SIPA1L3: variants seen among roughly 807,000 people sequenced by gnomAD.
SIPA1L3 encodes signal induced proliferation associated 1 like 3, also known as signal-induced proliferation-associated 1-like protein 3.
Under a neutral mutation model 150.1 loss-of-function variants are expected in SIPA1L3, and 59 were observed. The ratio of observed to expected loss-of-function variants is 0.39; its 90% confidence interval spans 0.32 to 0.49. The LOEUF (loss-of-function observed/expected upper bound fraction) is 0.49, where lower values mean the gene tolerates loss of function less well. Ranked by LOEUF, SIPA1L3 falls within the 20% of genes least tolerant of loss-of-function variation. SIPA1L3 has a pLI of 0.86. For missense variants in SIPA1L3, 2,211 were observed against 2,489.5 expected, an observed-to-expected ratio of 0.89 and a Z score of 2.38; for synonymous variants, 1,070 against 1,077.6, an observed-to-expected ratio of 0.99 and a Z score of 0.14.
chr19:38,088,317 C>T (rs891291763), intron 3 of SIPA1L3, among the ~76,000 whole-genome samples: 7 of 152,366 alleles, frequency 4.6e-5, no homozygotes, highest in African/African-American at 9.6e-5. Flanking sequence ...AGGGCTAATC[C>T]GCAGTTAAAC....
At chr19:38,122,254 TCCCC>T in intron 9 of SIPA1L3, among the ~76,000 whole-genome samples, 1 of 152,178 alleles carries the variant, frequency 6.6e-6, no homozygotes, top group South Asian at 2.1e-4. Flanking sequence ...CCTGTGTTCC[TCCCC>T]ACCCCTCTCA....
At position 38,106,546 on chromosome 19, in the gene SIPA1L3, C is replaced by T. The variant is rs779041747; in HGVS notation, c.2039C>T (p.Thr680Met). The change falls in exon 7 of 22, where the codon ACG (threonine) becomes ATG (methionine). Residue 680 changes from threonine (T) to methionine (M), a missense_variant. By Grantham distance (81) the Thr-to-Met change is moderately conservative. Transcript: ENST00000222345. ...GGCATTTCTGTTTCAGCCGACTCCA[C>T]GGGAACCCACTCCCTCTACACGATG... ...AAQLDVKTDSTGTHSLYTMYQ... is the reference protein window; with the variant it reads ...AAQLDVKTDSMGTHSLYTMYQ... The T allele has an allele frequency of 1.4e-5, 23 of 1,612,602 alleles. No homozygotes were observed. Among genetic ancestry groups the T allele is most frequent in the Admixed American group, 5.0e-5 (3 of 60,002 alleles).
chr19:38,198,692 C>T (rs771790254), intron 19 of SIPA1L3, among the ~76,000 whole-genome samples, 160 bp downstream of exon 19: 21 of 152,334 alleles, frequency 1.4e-4, no homozygotes, highest in Middle Eastern at 3.4e-3. Flanking sequence ...CATGCAGCCC[C>T]GGGCAAGCGT....
At chr19:38,063,638 C>T (rs2145784960) in intron 2 of SIPA1L3, among the ~76,000 whole-genome samples, 1 of 152,286 alleles carries the variant, frequency 6.6e-6, no homozygotes, top group East Asian at 1.9e-4. Context: ...CTTGGCCTGG[C>T]CACAGGAGTG....
intron 13 of SIPA1L3, among the ~76,000 whole-genome samples, chr19:38,158,831 C>G (rs1568582647): frequency 6.6e-6 from 1 of 152,192 alleles, no homozygotes; most frequent in Admixed American, 6.5e-5. Flanking sequence ...CAGCCCTTGG[C>G]TTGGCCTTGG....
chr19:37,912,507 T>A (rs926859831), intron 1 of SIPA1L3, among the ~76,000 whole-genome samples: 2 of 151,958 alleles, frequency 1.3e-5, no homozygotes, highest in Non-Finnish European at 2.9e-5. Context: ...AGCTGTGATC[T>A]TTTTTTTAGA....
intron 14 of SIPA1L3, among the ~76,000 whole-genome samples, chr19:38,163,900 G>A (rs914887231): frequency 3.9e-5 from 6 of 152,186 alleles, no homozygotes; most frequent in South Asian, 4.1e-4. Context: ...TGCTGGCTGC[G>A]TGTGGGGAAT....
At chr19:38,122,784 C>T (rs544720056) in intron 9 of SIPA1L3, among the ~76,000 whole-genome samples, 7 of 152,194 alleles carry the variant, frequency 4.6e-5, no homozygotes, top group Non-Finnish European at 8.8e-5. Context: ...GCCTTTGTAC[C>T]ACCTCTTGCT....
intron 8 of SIPA1L3, among the ~76,000 whole-genome samples, chr19:38,111,193 TA>T (rs202164601): frequency 1.3e-5 from 2 of 151,282 alleles, no homozygotes; most frequent in African/African-American, 2.4e-5. Context: ...CCTGGCTAAT[TA>T]AAAAAAAATT....
At chr19:38,123,414 C>T (rs1189828793) in intron 9 of SIPA1L3, among the ~76,000 whole-genome samples, 1 of 149,330 alleles carries the variant, frequency 6.7e-6, no homozygotes, top group Non-Finnish European at 1.5e-5. Context: ...ACCCTGCGGC[C>T]TTCCGCAGTG....
At chr19:38,074,504 A>G (rs1433252702) in intron 2 of SIPA1L3, among the ~76,000 whole-genome samples, 1 of 152,242 alleles carries the variant, frequency 6.6e-6, no homozygotes, top group Non-Finnish European at 1.5e-5. Flanking sequence ...TGCTGAGGAC[A>G]GGCAGCGCCC....
intron 12 of SIPA1L3, among the ~76,000 whole-genome samples, chr19:38,146,026 C>A (rs4803810): frequency 0.18 from 27,961 of 152,146 alleles, 2,967 homozygotes; most frequent in African/African-American, 0.29. Flanking sequence ...CCACACCCAG[C>A]CAATTTTTCT....
chr19:38,152,871 C>G lies in SIPA1L3; in HGVS notation c.3565C>G (p.Leu1189Val). 1 of 1,613,790 alleles carries G rather than the reference C, an allele frequency of 6.2e-7. No individual in the cohort carries two copies. Among genetic ancestry groups the G allele is most frequent in the Non-Finnish European group, 8.5e-7 (1 of 1,179,854 alleles). Residue 1189 changes from leucine to valine, a missense_variant, in exon 13 of 22, where the codon CTT becomes GTT. Leu to Val is a conservative substitution (Grantham distance 32, BLOSUM62 1). Around this residue, in one of 5 missense-constraint regions of SIPA1L3, gnomAD observed 806 missense variants for 870.1 expected, o/e 0.93. Coordinates refer to ENST00000222345, the MANE Select transcript of SIPA1L3 (RefSeq NM_015073.3). ...YTAAPHPLLS[L>V]DPHFSHDGTS... Reference sequence around the variant, plus strand: ...GGCTGCCCCACACCCCCTGCTATCTCTTGATCCCCACTTCAGCCACGATGG... The same window carrying G: ...GGCTGCCCCACACCCCCTGCTATCTGTTGATCCCCACTTCAGCCACGATGG...
intron 9 of SIPA1L3, among the ~76,000 whole-genome samples, chr19:38,121,543 A>G (rs994156000): frequency 7.3e-5 from 11 of 150,932 alleles, no homozygotes; most frequent in African/African-American, 2.7e-4. Context: ...GATTGAGACC[A>G]TCCTGGCTAA....
At chr19:38,113,828 C>T (rs1427203821) in intron 8 of SIPA1L3, among the ~76,000 whole-genome samples, 2 of 152,104 alleles carry the variant, frequency 1.3e-5, no homozygotes, top group Non-Finnish European at 2.9e-5. Flanking sequence ...AGTGTTCTAG[C>T]AACGCTTCTT....
chr19:38,068,425 C>G, intron 2 of SIPA1L3, among the ~76,000 whole-genome samples: 1 of 152,164 alleles, frequency 6.6e-6, no homozygotes, highest in East Asian at 1.9e-4. Flanking sequence ...CAGCGTCATT[C>G]ACGTATTCCC....
rs371668334 is a variant in SIPA1L3, at chr19:38,189,071, C to T, written c.4431-3074C>T. The stretch of plus-strand genomic sequence containing the variant: ...CATGATTGTGTGGGCTTCCCTTGCA[C>T]CTGTTTTATTAATGTGGTCACCTCC... On this transcript the variant is annotated intron_variant, in intron 16 of 21. Transcript: ENST00000222345. 7.6e-4 allele frequency among the ~76,000 whole-genome samples: 116 copies of T among 152,158 alleles called. 1 individual carries two copies. In the East Asian group the frequency reaches 0.015, roughly 19 times the overall value.
chr19:38,111,883 G>A (rs987162277), intron 8 of SIPA1L3, among the ~76,000 whole-genome samples: 6 of 150,998 alleles, frequency 4.0e-5, no homozygotes, highest in Non-Finnish European at 8.9e-5. Flanking sequence ...ACACGCACAC[G>A]TGCACAGGCA....
intron 10 of SIPA1L3, among the ~76,000 whole-genome samples, chr19:38,140,367 G>A (rs926039669): frequency 4.6e-5 from 7 of 150,694 alleles, no homozygotes; most frequent in African/African-American, 1.7e-4. Flanking sequence ...AGGTCTCTCT[G>A]CATCTATTTC....
Sources: allele counts gnomAD v4.1 joint callset (sites outside exome capture counted in the v4.1 genomes callset), GRCh38; gene constraint gnomAD v4.1.1; regional missense constraint gnomAD v4.1.1; transcripts MANE v1.5; gene names NCBI Gene and HGNC (gene_info 2026-07-23, HGNC 2026-07-21).